Variants in GSR observed in about 807,000 individuals in gnomAD.
The protein encoded by GSR is glutathione-disulfide reductase.
GSR carries 48 observed loss-of-function variants against 56.5 expected under a neutral mutation model. That is an observed-to-expected ratio of 0.85 (90% CI 0.67 to 1.08). The LOEUF (loss-of-function observed/expected upper bound fraction) is 1.08. Ranked by LOEUF, GSR falls within the 50% of genes least tolerant of loss-of-function variation. The pLI, the probability that GSR is intolerant of heterozygous loss-of-function variation, is 0.00. For synonymous variants in GSR, 264 were observed against 270.8 expected (o/e 0.97, Z 0.25); for missense variants, 694 against 703.3 (o/e 0.99, Z 0.15).
chr8:30,696,351 A>C, intron 7 of GSR, 29 bp downstream of exon 7: 1 of 1,378,522 alleles, frequency 7.3e-7, no homozygotes, highest in Non-Finnish European at 1.0e-6. Context: ...TAACATCAAG[A>C]AAAGCGAAAA....
intron 8 of GSR, 119 bp from the exon 9 acceptor site, chr8:30,689,438 C>T: frequency 2.4e-6 from 2 of 843,604 alleles, no homozygotes; most frequent in Non-Finnish European, 4.0e-6. Context: ...CTACTGAATC[C>T]CACATACAAA....
At chr8:30,719,642 T>C (rs1804461937) in intron 1 of GSR, among the ~76,000 whole-genome samples, 1 of 152,160 alleles carries the variant, frequency 6.6e-6, no homozygotes, top group Non-Finnish European at 1.5e-5. Context: ...GATCCATTCC[T>C]GAGAGCTTCC....
At chr8:30,727,394 A>C in intron 1 of GSR, 136 bp downstream of exon 1, 3 of 844,430 alleles carry the variant, frequency 3.6e-6, no homozygotes, top group Non-Finnish European at 5.4e-6. Context: ...TGGCTTCGGA[A>C]TGGGGAGTTG....
chr8:30,700,849 T>C (rs907777179), intron 5 of GSR, among the ~76,000 whole-genome samples: 1 of 151,118 alleles, frequency 6.6e-6, no homozygotes, highest in Non-Finnish European at 1.5e-5. Context: ...TAGTGAAATA[T>C]ACATGTAGTG....
chr8:30,725,821 G>A (rs1804703996), intron 1 of GSR, among the ~76,000 whole-genome samples: 1 of 147,818 alleles, frequency 6.8e-6, no homozygotes, highest in Non-Finnish European at 1.5e-5. Context: ...GGCAGAGGTT[G>A]CAGTGAGCCC....
intron 1 of GSR, among the ~76,000 whole-genome samples, chr8:30,720,038 C>T (rs905481464): frequency 2.6e-5 from 4 of 151,948 alleles, no homozygotes; most frequent in East Asian, 1.9e-4. Flanking sequence ...AGTAAGGCCT[C>T]GTCTCCACAA....
chr8:30,724,471 C>T (rs1804657219), intron 1 of GSR, among the ~76,000 whole-genome samples: 1 of 151,160 alleles, frequency 6.6e-6, no homozygotes. Context: ...ACAACATATC[C>T]CGTTTTGATG....
rs8190884 is a variant in GSR, at chr8:30,727,711, C to A, written c.125G>T (p.Arg42Leu). 3 of 1,416,658 alleles carry A rather than the reference C, an allele frequency of 2.1e-6. No individual in the cohort carries two copies. Among genetic ancestry groups the A allele is most frequent in the Non-Finnish European group, 2.7e-6 (3 of 1,092,540 alleles). The allele number at this position is 1,416,658 out of a possible 1,614,324, so 87.8% of individuals were successfully genotyped here. The part of the protein sequence containing the change: ...EPAALTRALS[R>L]AMACRQEPQP... Reference sequence around the variant, plus strand: ...CGGCTCCTGCCTGCAGGCCATGGCACGGGAGAGGGCGCGCGTGAGGGCCGC... The same window carrying A: ...CGGCTCCTGCCTGCAGGCCATGGCAAGGGAGAGGGCGCGCGTGAGGGCCGC... The change falls in exon 1 of 13, where the codon CGT (arginine) becomes CTT (leucine). Residue 42 changes from arginine to leucine, a missense_variant. Arg to Leu is a moderately radical substitution (Grantham distance 102). Transcript: ENST00000221130.
chr8:30,680,381 GTTT>G (rs34342136), intron 12 of GSR, among the ~76,000 whole-genome samples: 3 of 33,378 alleles, frequency 9.0e-5, no homozygotes, highest in Non-Finnish European at 1.3e-4. Flanking sequence ...GGCCTCTCCT[GTTT>G]TTTTTTTTTT....
At chr8:30,701,630 A>G (rs989036356) in intron 5 of GSR, among the ~76,000 whole-genome samples, 2 of 112,908 alleles carry the variant, frequency 1.8e-5, no homozygotes, top group African/African-American at 2.6e-5. Flanking sequence ...CCTCCACTAA[A>G]AATACAAAAA....
intron 11 of GSR, 50 bp downstream of exon 11, chr8:30,681,880 G>A (rs767960625): frequency 6.3e-7 from 1 of 1,579,242 alleles, no homozygotes; most frequent in African/African-American, 1.3e-5. Flanking sequence ...GTTGGGGGCA[G>A]GGGAAAGAGG....
chr8:30,700,920 T>C (rs1803715488), intron 5 of GSR, among the ~76,000 whole-genome samples: 1 of 152,152 alleles, frequency 6.6e-6, no homozygotes, highest in South Asian at 2.1e-4. Context: ...GACTTCCAGA[T>C]GCATTCTTCC....
Position 30,684,198 on chromosome 8 carries a change from C to T in GSR, c.1043G>A (p.Gly348Glu), listed in dbSNP as rs1803079494. Residue 348 changes from glycine (G) to glutamate (E), a missense_variant and splice_region_variant, in exon 10 of 13, where the codon GGG (glycine) becomes GAG (glutamate). Coordinates refer to ENST00000221130, the MANE Select transcript of GSR (RefSeq NM_000637.5). Reference sequence around the variant, plus strand: ...ATGACCCTTGTCATCGGTTTGAATCCCCTAAAATTACAAAGAGATATCATG... The same window carrying T: ...ATGACCCTTGTCATCGGTTTGAATCTCCTAAAATTACAAAGAGATATCATG... ...NTKDLSLNKL[G>E]IQTDDKGHII... 6.4e-7 allele frequency: 1 copy of T among 1,569,292 alleles called. No homozygotes were observed.
intron 5 of GSR, 77 bp downstream of exon 5, chr8:30,703,016 C>T: frequency 1.4e-6 from 2 of 1,457,004 alleles, no homozygotes; most frequent in Non-Finnish European, 1.9e-6. Context: ...TAGGCAGATC[C>T]CCTGGCATGG....
intron 1 of GSR, among the ~76,000 whole-genome samples, chr8:30,725,429 T>C (rs1804692697): frequency 6.6e-6 from 1 of 151,640 alleles, no homozygotes; most frequent in Non-Finnish European, 1.5e-5. Context: ...CTGGGTGTAG[T>C]GGCACCTGTA....
At chr8:30,706,516 C>T (rs1803926155) in intron 4 of GSR, among the ~76,000 whole-genome samples, 1 of 151,854 alleles carries the variant, frequency 6.6e-6, no homozygotes, top group African/African-American at 2.4e-5. Flanking sequence ...AATAAACAAA[C>T]AAACAAACAA....
intron 11 of GSR, among the ~76,000 whole-genome samples, chr8:30,681,578 A>C (rs1586031267): frequency 6.6e-6 from 1 of 152,132 alleles, no homozygotes; most frequent in South Asian, 2.1e-4. Flanking sequence ...GCCAGTTCTT[A>C]GGAAAGATAG....
In GSR at chr8:30,710,714, C is replaced by CAAAAAAAAAAAAAA. The variant is rs60532553; in HGVS notation, c.334-826_334-813dup. Among the ~76,000 whole-genome samples the CAAAAAAAAAAAAAA allele has an allele frequency of 4.5e-4, 23 of 51,038 alleles. 2 individuals are homozygous for CAAAAAAAAAAAAAA. Among genetic ancestry groups the CAAAAAAAAAAAAAA allele is most frequent in the African/African-American group, 1.5e-3 (23 of 15,202 alleles). 33.5% of individuals were successfully genotyped at this position (51,038 alleles called of 152,430 possible). A position where few individuals can be genotyped will look rare whatever the true frequency, so the allele number is the denominator to read the frequency against. On this transcript the variant is annotated intron_variant, in intron 2 of 12. Coordinates refer to ENST00000221130, the MANE Select transcript of GSR (RefSeq NM_000637.5). ...CCTGGGCAAGAGTGAGACTCTGTCT[C>CAAAAAAAAAAAAAA]AAAAAAAAAAAAAAAAAAAAAAAAA...
At chr8:30,718,788 C>T (rs925422177) in intron 1 of GSR, among the ~76,000 whole-genome samples, 10 of 152,106 alleles carry the variant, frequency 6.6e-5, no homozygotes, top group African/African-American at 2.4e-4. Context: ...CTCACTCTGT[C>T]GCCCAGACTG....
Sources: allele counts gnomAD v4.1 joint callset (sites outside exome capture counted in the v4.1 genomes callset), GRCh38; gene constraint gnomAD v4.1.1; transcripts MANE v1.5; gene names NCBI Gene and HGNC (gene_info 2026-07-23, HGNC 2026-07-21).